Variants in TGFB2 observed in about 807,000 individuals in gnomAD.
The protein encoded by TGFB2 is transforming growth factor beta 2.
Under a neutral mutation model 42.7 loss-of-function variants are expected in TGFB2, and 13 were observed. That is an observed-to-expected ratio of 0.30 (90% CI 0.20 to 0.48). TGFB2 has a LOEUF of 0.48. Among genes scored for constraint, TGFB2 ranks in the 20% least tolerant of loss-of-function variants. TGFB2 has a pLI of 0.99. For synonymous variants in TGFB2, 193 were observed against 193.6 expected (o/e 1.00, Z 0.03); for missense variants, 390 against 517.5 (o/e 0.75, Z 2.39).
chr1:218,368,370 C>G (rs1022219529), intron 1 of TGFB2, among the ~76,000 whole-genome samples: 1 of 151,836 alleles, frequency 6.6e-6, no homozygotes, highest in Non-Finnish European at 1.5e-5. Context: ...CTCCTAAACT[C>G]AGGTGATCCA....
intron 2 of TGFB2, among the ~76,000 whole-genome samples, chr1:218,431,896 G>C (rs1373801348): frequency 1.3e-5 from 2 of 152,146 alleles, no homozygotes; most frequent in Non-Finnish European, 2.9e-5. Context: ...TTCAAGGCAA[G>C]GTTTGATTCC....
chr1:218,363,452 C>T (rs1276769729), intron 1 of TGFB2: 1 of 1,574,466 alleles, frequency 6.4e-7, no homozygotes, highest in Non-Finnish European at 8.7e-7. Flanking sequence ...CCTCGTTTGA[C>T]ATAGTTATAT....
At chr1:218,435,947 T>C (rs1659955524) in intron 4 of TGFB2, 23 bp from the exon 5 acceptor site, 1 of 1,584,716 alleles carries the variant, frequency 6.3e-7, no homozygotes, top group African/African-American at 1.4e-5. Context: ...TAAATGTTTA[T>C]TACCCAAATG....
At chr1:218,411,511 T>C (rs1299285071) in intron 2 of TGFB2, among the ~76,000 whole-genome samples, 1 of 152,092 alleles carries the variant, frequency 6.6e-6, no homozygotes, top group East Asian at 1.9e-4. Flanking sequence ...AGAAGAGTAG[T>C]CTTGTTTCTT....
At chr1:218,395,849 C>T (rs929982170) in intron 1 of TGFB2, among the ~76,000 whole-genome samples, 10 of 152,072 alleles carry the variant, frequency 6.6e-5, no homozygotes, top group East Asian at 3.9e-4. Flanking sequence ...CTCCTGACCT[C>T]GTGATCCACC....
At chr1:218,416,423 C>T (rs1385838003) in intron 2 of TGFB2, among the ~76,000 whole-genome samples, 1 of 151,990 alleles carries the variant, frequency 6.6e-6, no homozygotes, top group African/African-American at 2.4e-5. Flanking sequence ...TTTTTTGGAA[C>T]CCCGTTCTAG....
intron 1 of TGFB2, among the ~76,000 whole-genome samples, chr1:218,395,854 TC>T (rs1253681437): frequency 6.6e-6 from 1 of 152,150 alleles, no homozygotes; most frequent in East Asian, 1.9e-4. Context: ...GACCTCGTGA[TC>T]CACCCACCTC....
intron 1 of TGFB2, among the ~76,000 whole-genome samples, chr1:218,380,173 G>A (rs1413842676): frequency 6.6e-6 from 1 of 152,152 alleles, no homozygotes; most frequent in Non-Finnish European, 1.5e-5. Context: ...GCACTCACTC[G>A]CATTCATTGG....
At chr1:218,363,539 C>A in intron 1 of TGFB2, 2 of 945,474 alleles carry the variant, frequency 2.1e-6, no homozygotes, top group Non-Finnish European at 3.2e-6. Flanking sequence ...CAGCCTTGTA[C>A]CTGAGCGATC....
Position 218,363,545 on chromosome 1 carries a change from C to A in TGFB2, c.346+16498C>A, listed in dbSNP as rs1056078184. On this transcript the variant is annotated intron_variant, in intron 1 of 6. Coordinates refer to ENST00000366930, the MANE Select transcript of TGFB2 (RefSeq NM_003238.6). ...TCTGAAATGCAGCCTTGTACCTGAGCGATCACAAAGGTGCCTAGAATTTTT... is the reference window on the plus strand; with the variant it reads ...TCTGAAATGCAGCCTTGTACCTGAGAGATCACAAAGGTGCCTAGAATTTTT... The A allele has an allele frequency of 6.7e-6, 6 of 901,872 alleles. No homozygotes were observed. In the East Asian group the frequency reaches 7.6e-5, roughly 11 times the overall value. 55.9% of individuals were successfully genotyped at this position (901,872 alleles called of 1,614,324 possible). A position where few individuals can be genotyped will look rare whatever the true frequency, so the allele number is the denominator to read the frequency against.
At chr1:218,411,608 G>A (rs1042073784) in intron 2 of TGFB2, among the ~76,000 whole-genome samples, 2 of 152,156 alleles carry the variant, frequency 1.3e-5, no homozygotes, top group East Asian at 1.9e-4. Flanking sequence ...GGTGGCTTAC[G>A]CATGTAATCC....
chr1:218,410,275 A>G (rs1025247438), intron 2 of TGFB2, among the ~76,000 whole-genome samples: 6 of 152,162 alleles, frequency 3.9e-5, no homozygotes, highest in Non-Finnish European at 5.9e-5. Flanking sequence ...AATTCTATAC[A>G]TGAGTTCAGG....
rs1229406248 is a variant in TGFB2, at chr1:218,390,698, C to T, written c.347-14471C>T. 2.6e-5 allele frequency among the ~76,000 whole-genome samples: 4 copies of T among 152,186 alleles called. No individual in the cohort carries two copies. In the East Asian group the frequency reaches 7.7e-4, roughly 29 times the overall value. Reference sequence around the variant, plus strand: ...TTCCTCTCACAAACAGTGGCCCAACCTTGAAGAACAGAAAGCTGCTTAGCA... The same window carrying T: ...TTCCTCTCACAAACAGTGGCCCAACTTTGAAGAACAGAAAGCTGCTTAGCA... On this transcript the variant is annotated intron_variant, in intron 1 of 6. Transcript: ENST00000366930.
In TGFB2 at chr1:218,426,136, C is replaced by A. The variant is rs11466406; in HGVS notation, c.511-7946C>A. 5.1e-3 allele frequency among the ~76,000 whole-genome samples: 781 copies of A among 152,256 alleles called. 5 individuals are homozygous for A. Among genetic ancestry groups the A allele is most frequent in the Admixed American group, 7.9e-3 (121 of 15,292 alleles). On this transcript the variant is annotated intron_variant, in intron 2 of 6. Transcript: ENST00000366930. ...TTCTCTACAGCACTATAGTTAAATT[C>A]CCTTTGCATTAGAAGTCTGATTGAA... is the stretch of plus-strand genomic sequence containing the variant.
intron 1 of TGFB2, among the ~76,000 whole-genome samples, chr1:218,390,336 A>G (rs886355248): frequency 2.0e-5 from 3 of 151,710 alleles, no homozygotes; most frequent in African/African-American, 7.3e-5. Context: ...AAGCTTCCCC[A>G]AAGAAAAAAA....
Position 218,441,318 on chromosome 1 carries a change from G to A in TGFB2, c.1201G>A (p.Glu401Lys), listed in dbSNP as rs1571907728. ...LYYIGKTPKIEQLSNMIVKSC... is the reference protein window; with the variant it reads ...LYYIGKTPKIKQLSNMIVKSC... ...CTACATTGGCAAAACACCCAAGATTGAACAGCTTTCTAATATGATTGTAAA... is the reference window on the plus strand; with the variant it reads ...CTACATTGGCAAAACACCCAAGATTAAACAGCTTTCTAATATGATTGTAAA... Residue 401 changes from glutamate (E) to lysine (K), a missense_variant, in exon 7 of 7, where the codon GAA (glutamate) becomes AAA (lysine). Physicochemically the swap from Glu to Lys is moderately conservative, Grantham distance 56. Coordinates refer to ENST00000366930, the MANE Select transcript of TGFB2 (RefSeq NM_003238.6). The A allele has an allele frequency of 6.2e-7, 1 of 1,612,110 alleles. No homozygotes were observed. Among genetic ancestry groups the A allele is most frequent in the Non-Finnish European group, 8.5e-7 (1 of 1,179,600 alleles).
In TGFB2 at chr1:218,442,396, A is replaced by C. The variant is rs932331054; in HGVS notation, c.*1034A>C. On this transcript the variant is annotated 3_prime_UTR_variant, in exon 7 of 7. Transcript: ENST00000366930. Reference sequence around the variant, plus strand: ...TCTCTTTTGCAAACTATTAAATCAAAACATTAACTACTTTATGTGTAATGT... The same window carrying C: ...TCTCTTTTGCAAACTATTAAATCAACACATTAACTACTTTATGTGTAATGT... The C allele has an allele frequency of 5.3e-5, 8 of 152,184 alleles. No individual in the cohort carries two copies. Among genetic ancestry groups the C allele is most frequent in the Non-Finnish European group, 8.8e-5 (6 of 68,008 alleles). 9.4% of individuals were successfully genotyped at this position (152,184 alleles called of 1,614,324 possible).
At chr1:218,379,742 A>T (rs1010769056) in intron 1 of TGFB2, among the ~76,000 whole-genome samples, 1 of 152,102 alleles carries the variant, frequency 6.6e-6, no homozygotes, top group Non-Finnish European at 1.5e-5. Context: ...GGGTAGACCA[A>T]AGTTTAAGTC....
At chr1:218,400,381 A>G (rs1246004850) in intron 1 of TGFB2, among the ~76,000 whole-genome samples, 1 of 152,114 alleles carries the variant, frequency 6.6e-6, no homozygotes, top group African/African-American at 2.4e-5. Context: ...ATGCTCCCAG[A>G]GTGACAGGAG....
Sources: allele counts gnomAD v4.1 joint callset (sites outside exome capture counted in the v4.1 genomes callset), GRCh38; gene constraint gnomAD v4.1.1; transcripts MANE v1.5; gene names NCBI Gene and HGNC (gene_info 2026-07-23, HGNC 2026-07-21).